The following ARHGEF7 variants were observed in gnomAD, a reference collection of about 807,000 sequenced individuals.
The protein encoded by ARHGEF7 is Rho guanine nucleotide exchange factor 7.
Under a neutral mutation model 109.8 loss-of-function variants are expected in ARHGEF7, and 33 were observed. That is an observed-to-expected ratio of 0.30 (90% confidence interval 0.23 to 0.40). The LOEUF is 0.40. Ranked by LOEUF, ARHGEF7 falls within the 10% of genes least tolerant of loss-of-function variation. The probability of loss-of-function intolerance (pLI) is 1.00; values close to 1 mark genes in which losing one functional copy is unlikely to be tolerated. For synonymous variants in ARHGEF7, 458 were observed against 424.6 expected, an observed-to-expected ratio of 1.08 and a Z score of -0.97; for missense variants, 938 against 1,098.5, an observed-to-expected ratio of 0.85 and a Z score of 2.07.
At chr13:111,299,638 G>A (rs762025163) in intron 19 of ARHGEF7, among the ~76,000 whole-genome samples, 2 of 152,152 alleles carry the variant, frequency 1.3e-5, no homozygotes, top group South Asian at 2.1e-4. Context: ...CACGGCACCC[G>A]GCTGAAGCCA....
In ARHGEF7 at chr13:111,258,634, G is replaced by A. The variant is rs938339887; in HGVS notation, c.951-8914G>A. On this transcript the variant is annotated intron_variant, in intron 8 of 21. Transcript: ENST00000646102. This position sits in a 1 kb window ranked among gnomAD's most constrained non-coding sequence, Gnocchi z 4.4. ...TTGCATGAGACTCAAAGACGAGCTG[G>A]CTTCAAATGTGACCCAGAGCACATT... Among the ~76,000 whole-genome samples the A allele has an allele frequency of 2.6e-5, 4 of 152,076 alleles. No individual in the cohort carries two copies. The highest frequency in any genetic ancestry group is 9.7e-5 in the African/African-American group (4 of 41,398).
chr13:111,292,754 T>C, intron 19 of ARHGEF7: 1 of 1,009,896 alleles, frequency 9.9e-7, no homozygotes. Flanking sequence ...GGGACCTAAA[T>C]TTTTTAAGTG....
chr13:111,279,547 C>T (rs538356362), intron 13 of ARHGEF7, among the ~76,000 whole-genome samples: 11 of 152,398 alleles, frequency 7.2e-5, no homozygotes, highest in African/African-American at 2.2e-4. Context: ...GCTGCCCAGA[C>T]GCCCACTGCC....
chr13:111,185,109 G>A (rs1286463829), intron 2 of ARHGEF7: 1 of 152,180 alleles, frequency 6.6e-6, no homozygotes, highest in African/African-American at 2.4e-5. Flanking sequence ...AATTAGAGAG[G>A]GTCACTTCAC....
rs368702157 is a variant in ARHGEF7 at position 111,267,668 on chromosome 13, C to G, written c.1071C>G (p.His357Gln). 1 of 1,613,712 alleles carries G rather than the reference C, an allele frequency of 6.2e-7. No homozygotes were observed. The highest frequency in any genetic ancestry group is 8.5e-7 in the Non-Finnish European group (1 of 1,179,738). The change falls in exon 9 of 22, where the codon CAC becomes CAG. Residue 357 changes from histidine (H) to glutamine (Q), a missense_variant and splice_region_variant. Around this residue, in one of 4 missense-constraint regions of ARHGEF7, gnomAD observed 585 missense variants for 723.6 expected, o/e 0.81. Transcript: ENST00000646102. ...HPSAVNVLTE[H>Q]SEELGEFMET... ...CTGCAGTGAATGTCCTCACGGAACACAGGTGCGCTTGCTAGGCACCTTGGC... is the reference window on the plus strand; with the variant it reads ...CTGCAGTGAATGTCCTCACGGAACAGAGGTGCGCTTGCTAGGCACCTTGGC...
At chr13:111,118,631 T>C (rs1299326435) in intron 1 of ARHGEF7, among the ~76,000 whole-genome samples, 2 of 152,174 alleles carry the variant, frequency 1.3e-5, no homozygotes, top group African/African-American at 4.8e-5. Context: ...TGGAAGCCCT[T>C]TTCTCACAAA....
chr13:111,151,617 G>A lies in ARHGEF7; in HGVS notation c.166-2288G>A, dbSNP rs74573168. 9.7e-4 allele frequency among the ~76,000 whole-genome samples: 148 copies of A among 152,282 alleles called. 2 individuals are homozygous for A. The East Asian group carries it at 0.025, about 26-fold the overall frequency. ...CTGGAGCAGCCTCATGTACAGATGTGAATGCACTGTATTGTTGATTCATTA... is the reference window on the plus strand; with the variant it reads ...CTGGAGCAGCCTCATGTACAGATGTAAATGCACTGTATTGTTGATTCATTA... On this transcript the variant is annotated intron_variant, in intron 1 of 21. Transcript: ENST00000646102.
Position 111,304,537 on chromosome 13 carries a change from C to CT in ARHGEF7, c.*1425dup, listed in dbSNP as rs1456369030. 1.3e-5 allele frequency: 2 copies of CT among 152,264 alleles called. No homozygotes were observed. The highest frequency in any genetic ancestry group is 2.4e-5 in the African/African-American group (1 of 41,468). 9.4% of individuals were successfully genotyped at this position (152,264 alleles called of 1,614,324 possible). A position where few individuals can be genotyped will look rare whatever the true frequency, so the allele number is the denominator to read the frequency against. On this transcript the variant is annotated 3_prime_UTR_variant, in exon 22 of 22. Coordinates refer to ENST00000646102, the MANE Select transcript of ARHGEF7 (RefSeq NM_001354046.2). Reference sequence around the variant, plus strand: ...CTCATTGCGCATCAGATTTGACTCTCTGATTTTCTGTCTATTGGCCAAATT... The same window carrying CT: ...CTCATTGCGCATCAGATTTGACTCTCTTGATTTTCTGTCTATTGGCCAAATT...
intron 2 of ARHGEF7, among the ~76,000 whole-genome samples, chr13:111,159,797 C>T (rs1181317673): frequency 1.3e-5 from 2 of 152,130 alleles, no homozygotes; most frequent in Non-Finnish European, 2.9e-5. Flanking sequence ...CAAATACTTT[C>T]TTTCCGTTCT....
intron 4 of ARHGEF7, among the ~76,000 whole-genome samples, chr13:111,210,936 A>G (rs1317549859): frequency 6.6e-6 from 1 of 152,194 alleles, no homozygotes; most frequent in Admixed American, 6.5e-5. Context: ...GTTAATTTAG[A>G]TAGAGTCGTG....
At chr13:111,301,081 T>C (rs1210628860) in intron 20 of ARHGEF7, among the ~76,000 whole-genome samples, 2 of 152,104 alleles carry the variant, frequency 1.3e-5, no homozygotes, top group Non-Finnish European at 2.9e-5. Flanking sequence ...CCCGAGTAGC[T>C]GGGATTACAG....
intron 19 of ARHGEF7, chr13:111,293,602 T>C: frequency 1.0e-6 from 1 of 985,394 alleles, no homozygotes; most frequent in Non-Finnish European, 1.2e-6. Flanking sequence ...GGCCAAATTG[T>C]GTTCTGTCCC....
At chr13:111,155,766 A>T (rs539717353) in intron 2 of ARHGEF7, among the ~76,000 whole-genome samples, 121 of 152,358 alleles carry the variant, frequency 7.9e-4, no homozygotes, top group East Asian at 6.5e-3. Context: ...AAAACTTTTT[A>T]AAAAAGTTTT....
At position 111,239,630 on chromosome 13, in the gene ARHGEF7, C is replaced by A. The variant is rs546910747; in HGVS notation, c.760-4242C>A. Among the ~76,000 whole-genome samples, 37 of 152,044 alleles carry A rather than the reference C, an allele frequency of 2.4e-4. No individual in the cohort carries two copies. Among genetic ancestry groups the A allele is most frequent in the African/African-American group, 8.2e-4 (34 of 41,464 alleles). ...GACTCCTGAAGTCTCTGCTTGGGGCCCGTAGGTGGAGATGGTTAATGATGA... is the reference window on the plus strand; with the variant it reads ...GACTCCTGAAGTCTCTGCTTGGGGCACGTAGGTGGAGATGGTTAATGATGA... On this transcript the variant is annotated intron_variant, in intron 6 of 21. Coordinates refer to ENST00000646102, the MANE Select transcript of ARHGEF7 (RefSeq NM_001354046.2). This position sits in a 1 kb window ranked among gnomAD's most constrained non-coding sequence, Gnocchi z 4.3.
At chr13:111,295,114 T>C in intron 19 of ARHGEF7, 1 of 982,546 alleles carries the variant, frequency 1.0e-6, no homozygotes, top group South Asian at 4.7e-5. Flanking sequence ...TTGTTTGTGG[T>C]TGCATATGGC....
intron 4 of ARHGEF7, among the ~76,000 whole-genome samples, chr13:111,213,726 A>G (rs1020805537): frequency 1.2e-4 from 19 of 152,200 alleles, no homozygotes; most frequent in African/African-American, 2.2e-4. Flanking sequence ...GCTTTTTAAA[A>G]AAGGGAAAAA....
At chr13:111,220,949 G>T (rs536591663) in intron 5 of ARHGEF7, among the ~76,000 whole-genome samples, 3,565 of 50,726 alleles carry the variant, frequency 0.07, 73 homozygotes, top group Middle Eastern at 0.28. Flanking sequence ...TCTCCTGTTA[G>T]TTATATATAT....
At chr13:111,263,160 G>A (rs958451815) in intron 8 of ARHGEF7, among the ~76,000 whole-genome samples, 5 of 152,196 alleles carry the variant, frequency 3.3e-5, no homozygotes, top group African/African-American at 1.2e-4. Context: ...ATGTTGGCAC[G>A]TTATGCTCGA....
chr13:111,209,928 T>A lies in ARHGEF7; in HGVS notation c.394T>A (p.Ser132Thr). ...CARPSSHRIK[S>T]FDSLGSQSLH... Reference sequence around the variant, plus strand: ...CCGGCCCTCGTCTCACCGCATAAAGTCTTTTGACTCCCTTGGATCACAGTC... The same window carrying A: ...CCGGCCCTCGTCTCACCGCATAAAGACTTTTGACTCCCTTGGATCACAGTC... The change falls in exon 4 of 22, where the codon TCT (serine) becomes ACT (threonine). Residue 132 changes from serine (S) to threonine (T), a missense_variant. Coordinates refer to ENST00000646102, the MANE Select transcript of ARHGEF7 (RefSeq NM_001354046.2). 1 of 1,614,178 alleles carries A rather than the reference T, an allele frequency of 6.2e-7. No individual in the cohort carries two copies. The highest frequency in any genetic ancestry group is 8.5e-7 in the Non-Finnish European group (1 of 1,180,024).
Sources: allele counts gnomAD v4.1 joint callset (sites outside exome capture counted in the v4.1 genomes callset), GRCh38; gene constraint gnomAD v4.1.1; regional missense constraint gnomAD v4.1.1; non-coding constraint Gnocchi (gnomAD v3.1); transcripts MANE v1.5; gene names NCBI Gene and HGNC (gene_info 2026-07-23, HGNC 2026-07-21).